SLC22A23: variants seen among roughly 807,000 people sequenced by gnomAD.
The protein encoded by SLC22A23 is ion transporter protein.
Under a neutral mutation model 61.0 loss-of-function variants are expected in SLC22A23, and 26 were observed. The ratio of observed to expected loss-of-function variants is 0.43; its 90% CI spans 0.31 to 0.59. The LOEUF (loss-of-function observed/expected upper bound fraction) is 0.59. Among genes scored for constraint, SLC22A23 ranks in the 20% least tolerant of loss-of-function variants. The pLI, the probability that SLC22A23 is intolerant of heterozygous loss-of-function variation, is 0.11. For synonymous variants in SLC22A23, 430 were observed against 413.9 expected, an observed-to-expected ratio of 1.04 and a Z score of -0.47; for missense variants, 796 against 934.7, an observed-to-expected ratio of 0.85 and a Z score of 1.94.
intron 3 of SLC22A23, among the ~76,000 whole-genome samples, chr6:3,376,726 T>C (rs548397328): frequency 6.6e-6 from 1 of 152,262 alleles, no homozygotes; most frequent in South Asian, 2.1e-4. Context: ...GGACAGACAA[T>C]TATCTCGTAG....
chr6:3,272,692 G>A lies in SLC22A23; in HGVS notation c.*363C>T, dbSNP rs137928589. The A allele has an allele frequency of 5.4e-3, 893 of 165,600 alleles. 2 individuals carry two copies. The highest frequency in any genetic ancestry group is 0.012 in the Middle Eastern group (4 of 342). 10.3% of individuals were successfully genotyped at this position (165,600 alleles called of 1,614,324 possible). ...CGTGTCCCATCTCCCCAGAGGGACCGGCCATGGCCCTGGTCACTGTGGCAT... is the reference window on the plus strand; with the variant it reads ...CGTGTCCCATCTCCCCAGAGGGACCAGCCATGGCCCTGGTCACTGTGGCAT... On this transcript the variant is annotated 3_prime_UTR_variant, in exon 10 of 10. Coordinates refer to ENST00000406686, the MANE Select transcript of SLC22A23 (RefSeq NM_015482.2).
chr6:3,276,662 C>G (rs981162290), intron 9 of SLC22A23: 1 of 152,296 alleles, frequency 6.6e-6, no homozygotes, highest in Non-Finnish European at 1.5e-5. Context: ...GCTGGCTCAG[C>G]CGAGCTCCCA....
In SLC22A23 at chr6:3,285,110, C is replaced by G; in HGVS notation, c.1548G>C (p.Leu516=). 6.2e-7 allele frequency: 1 copy of G among 1,613,476 alleles called. No individual in the cohort carries two copies. The highest frequency in any genetic ancestry group is 8.5e-7 in the Non-Finnish European group (1 of 1,179,688). ...ASLLQLGLLN[L]IGKYSQHPDS... The stretch of plus-strand genomic sequence containing the variant: ...CTGGGTGCTGGCTGTACTTTCCAAT[C>G]ACTGGACCCGCAGACATGATCGCAC... Residue 516 remains leucine, a splice_region_variant and synonymous_variant, in exon 8 of 10, where the codon CTG becomes CTC. Transcript: ENST00000406686.
intron 5 of SLC22A23, chr6:3,291,789 C>T (rs533409211): frequency 6.6e-6 from 1 of 152,292 alleles, no homozygotes; most frequent in East Asian, 1.9e-4. Context: ...GCTACGTTTT[C>T]TCACCATGGA....
chr6:3,281,739 C>T (rs529177658), intron 9 of SLC22A23, among the ~76,000 whole-genome samples: 2 of 152,236 alleles, frequency 1.3e-5, no homozygotes, highest in East Asian at 1.9e-4. Flanking sequence ...GAGCTGTGGC[C>T]TCCCGATGGC....
chr6:3,289,560 C>T (rs2127330114), intron 6 of SLC22A23, among the ~76,000 whole-genome samples: 1 of 152,378 alleles, frequency 6.6e-6, no homozygotes, highest in South Asian at 2.1e-4. Context: ...ACAGGATTTA[C>T]ACGCCTGGGC....
chr6:3,402,366 T>C (rs1035102653), intron 3 of SLC22A23, among the ~76,000 whole-genome samples: 2 of 79,852 alleles, frequency 2.5e-5, no homozygotes, highest in Non-Finnish European at 5.0e-5. Flanking sequence ...TAGGTCTGTG[T>C]GTGTTGTTCC....
chr6:3,374,688 T>C (rs543871402), intron 3 of SLC22A23, among the ~76,000 whole-genome samples: 8 of 152,282 alleles, frequency 5.3e-5, no homozygotes, highest in Admixed American at 5.2e-4. Context: ...AAGAGAGGGA[T>C]GGCTTAGCTG....
At chr6:3,368,816 G>A (rs962889840) in intron 3 of SLC22A23, among the ~76,000 whole-genome samples, 3 of 152,270 alleles carry the variant, frequency 2.0e-5, no homozygotes, top group East Asian at 1.9e-4. Context: ...AGGCAGCGGC[G>A]TCCTCTTTCC....
At chr6:3,420,287 G>C (rs1000340281) in intron 1 of SLC22A23, among the ~76,000 whole-genome samples, 2 of 150,962 alleles carry the variant, frequency 1.3e-5, no homozygotes, top group African/African-American at 4.9e-5. Flanking sequence ...ATAGTTTAAG[G>C]ATAAGCTAAA....
intron 3 of SLC22A23, among the ~76,000 whole-genome samples, chr6:3,409,985 G>A (rs1222539670): frequency 2.0e-5 from 3 of 152,162 alleles, no homozygotes; most frequent in Admixed American, 6.5e-5. Context: ...CACTGAGCCC[G>A]AGCTGGAGAT....
intron 3 of SLC22A23, among the ~76,000 whole-genome samples, chr6:3,405,162 G>C (rs1768721097): frequency 6.6e-6 from 1 of 152,044 alleles, no homozygotes; most frequent in South Asian, 2.1e-4. Flanking sequence ...TTGGGAGGGT[G>C]AGGCAGGAGA....
intron 1 of SLC22A23, among the ~76,000 whole-genome samples, chr6:3,453,451 G>A (rs189271152): frequency 1.1e-4 from 16 of 152,150 alleles, no homozygotes; most frequent in South Asian, 2.1e-4. Context: ...TGCAGAAGGC[G>A]AGAGAGGCTG....
At chr6:3,280,016 G>A (rs932070318) in intron 9 of SLC22A23, among the ~76,000 whole-genome samples, 34 of 152,180 alleles carry the variant, frequency 2.2e-4, no homozygotes, top group Admixed American at 2.1e-3. Context: ...CCGAGGCGAG[G>A]CTCCTGTTCT....
chr6:3,331,528 A>G (rs2127409801), intron 3 of SLC22A23, among the ~76,000 whole-genome samples: 2 of 152,326 alleles, frequency 1.3e-5, no homozygotes, highest in Middle Eastern at 6.8e-3. Flanking sequence ...TCATGGTTCT[A>G]TATATTTATA....
intron 3 of SLC22A23, among the ~76,000 whole-genome samples, chr6:3,381,619 CCAAG>C (rs1766957552): frequency 1.3e-5 from 2 of 152,218 alleles, no homozygotes; most frequent in African/African-American, 4.8e-5. Context: ...AGCCTTCCAG[CCAAG>C]CAAGCCTGGC....
At chr6:3,438,696 G>T in intron 1 of SLC22A23, 1 of 365,168 alleles carries the variant, frequency 2.7e-6, no homozygotes, top group Non-Finnish European at 5.4e-6. Flanking sequence ...AGGTTCAAAG[G>T]ACCTACTTCA....
At chr6:3,310,276 A>C (rs1263054179) in intron 4 of SLC22A23, among the ~76,000 whole-genome samples, 2 of 145,930 alleles carry the variant, frequency 1.4e-5, no homozygotes, top group Non-Finnish European at 3.0e-5. Flanking sequence ...CCACTGGAGC[A>C]CCCTGTCTCC....
intron 4 of SLC22A23, among the ~76,000 whole-genome samples, chr6:3,320,678 G>A (rs1414515737): frequency 6.6e-6 from 1 of 152,158 alleles, no homozygotes; most frequent in Non-Finnish European, 1.5e-5. Flanking sequence ...AATAAAAAAG[G>A]GTAGGCAATT....
Sources: gnomAD v4.1 joint callset for allele counts (sites outside exome capture counted in the v4.1 genomes callset) on GRCh38, gnomAD v4.1.1 for gene constraint, MANE v1.5 for transcripts, NCBI Gene and HGNC (gene_info 2026-07-23, HGNC 2026-07-21) for gene names.